Variants in CNTNAP5 observed in about 807,000 individuals in gnomAD.
The protein encoded by CNTNAP5 is contactin associated protein family member 5.
Under a neutral mutation model 150.2 loss-of-function variants are expected in CNTNAP5, and 72 were observed. That is an observed-to-expected ratio of 0.48 (90% confidence interval 0.40 to 0.58). The LOEUF (loss-of-function observed/expected upper bound fraction) is 0.58. Among genes scored for constraint, CNTNAP5 ranks in the 20% least tolerant of loss-of-function variants. CNTNAP5 has a pLI of 0.00. For missense variants in CNTNAP5, 1,636 were observed against 1,626.2 expected (o/e 1.01, Z -0.10); for synonymous variants, 672 against 619.8 (o/e 1.08, Z -1.25).
At chr2:124,207,400 A>G (rs557682103) in intron 1 of CNTNAP5, among the ~76,000 whole-genome samples, 26 of 152,274 alleles carry the variant, frequency 1.7e-4, no homozygotes, top group Admixed American at 6.5e-4. Context: ...AGAACCCTCA[A>G]CTTTCAAACC....
rs555823961 is a variant in CNTNAP5, at chr2:124,420,171, A to AGTAGAGAT, written c.529+2583_529+2590dup. On this transcript the variant is annotated intron_variant, in intron 4 of 23. Transcript: ENST00000682447. ...ATGTCTGGCTAATTTTCGTATCTTTAGTAGAGATGGAGTTTCACCATGTTG... is the reference window on the plus strand; with the variant it reads ...ATGTCTGGCTAATTTTCGTATCTTTAGTAGAGATGTAGAGATGGAGTTTCACCATGTTG... Among the ~76,000 whole-genome samples the AGTAGAGAT allele has an allele frequency of 2.0e-4, 31 of 151,388 alleles. No individual in the cohort carries two copies. The South Asian group carries it at 6.5e-3, about 32-fold the overall frequency.
At chr2:124,073,766 G>A (rs1682371876) in intron 1 of CNTNAP5, among the ~76,000 whole-genome samples, 1 of 152,070 alleles carries the variant, frequency 6.6e-6, no homozygotes, top group African/African-American at 2.4e-5. Flanking sequence ...AACCACTATG[G>A]AGAAGGTTTG....
At chr2:124,225,648 C>T (rs951166610) in intron 2 of CNTNAP5, among the ~76,000 whole-genome samples, 2 of 152,088 alleles carry the variant, frequency 1.3e-5, no homozygotes, top group African/African-American at 4.8e-5. Flanking sequence ...AACACAAGAC[C>T]TACTCTCAGC....
intron 3 of CNTNAP5, among the ~76,000 whole-genome samples, chr2:124,374,824 G>A (rs1690606980): frequency 6.6e-6 from 1 of 151,996 alleles, no homozygotes; most frequent in South Asian, 2.1e-4. Flanking sequence ...AGATGGGCCT[G>A]GAACGTCCTA....
chr2:124,708,972 C>G (rs972685629), intron 13 of CNTNAP5, among the ~76,000 whole-genome samples: 5 of 152,168 alleles, frequency 3.3e-5, no homozygotes, highest in African/African-American at 1.2e-4. Context: ...AACACTAAAT[C>G]ACAGTGCAAA....
chr2:124,311,468 G>A (rs1003806699), intron 3 of CNTNAP5, among the ~76,000 whole-genome samples: 24 of 152,150 alleles, frequency 1.6e-4, no homozygotes, highest in African/African-American at 2.2e-4. Flanking sequence ...GGGAGAAAGC[G>A]AGAAAGAAGG....
intron 3 of CNTNAP5, among the ~76,000 whole-genome samples, chr2:124,290,404 T>C (rs17011342): frequency 0.023 from 3,432 of 152,272 alleles, 133 homozygotes; most frequent in African/African-American, 0.077. Flanking sequence ...TTGTAAAAGA[T>C]CCTCTACCTA....
intron 1 of CNTNAP5, among the ~76,000 whole-genome samples, chr2:124,162,991 A>G (rs954066772): frequency 3.3e-5 from 5 of 152,132 alleles, no homozygotes; most frequent in African/African-American, 1.2e-4. Flanking sequence ...TTGACAAAAA[A>G]GGGGACCTCA....
chr2:124,150,504 G>A (rs921381398), intron 1 of CNTNAP5, among the ~76,000 whole-genome samples: 2 of 152,152 alleles, frequency 1.3e-5, no homozygotes, highest in African/African-American at 4.8e-5. Flanking sequence ...GACTTGTGTG[G>A]CTTAAAAAAC....
rs137993564 is a variant in CNTNAP5 at position 124,110,901 on chromosome 2, C to T, written c.82+85169C>T. ...CTTGATAGAAAGCTCACCACCAGAA[C>T]GGGGAGCTGAGGCACAGAGCAGGTG... On this transcript the variant is annotated intron_variant, in intron 1 of 23. Transcript: ENST00000682447. 2.9e-3 allele frequency among the ~76,000 whole-genome samples: 437 copies of T among 152,268 alleles called. 2 individuals are homozygous for T. The highest frequency in any genetic ancestry group is 0.01 in the African/African-American group (417 of 41,548).
chr2:124,800,853 A>C (rs112905200), intron 19 of CNTNAP5, among the ~76,000 whole-genome samples: 1 of 152,174 alleles, frequency 6.6e-6, no homozygotes, highest in Admixed American at 6.5e-5. Flanking sequence ...TCCTGAGCCA[A>C]ATATGAGTGA....
chr2:124,062,656 A>G (rs560783366), intron 1 of CNTNAP5, among the ~76,000 whole-genome samples: 214 of 152,262 alleles, frequency 1.4e-3, no homozygotes, highest in African/African-American at 4.9e-3. Context: ...CTCTTATGAC[A>G]GGTGTCATAA....
chr2:124,312,468 G>A (rs1193900198), intron 3 of CNTNAP5, among the ~76,000 whole-genome samples: 1 of 151,830 alleles, frequency 6.6e-6, no homozygotes, highest in Non-Finnish European at 1.5e-5. Context: ...GGCTTCAAGT[G>A]ATTCTCCTGC....
Position 124,368,854 on chromosome 2 carries a change from A to G in CNTNAP5, c.382-48589A>G, listed in dbSNP as rs554246723. ...AGGCATAAGATATCTCTGAAAAGAC[A>G]CAGAAGACACTGGACTTAGGCAGCT... On this transcript the variant is annotated intron_variant, in intron 3 of 23. Transcript: ENST00000682447. Among the ~76,000 whole-genome samples, 4 of 152,318 alleles carry G rather than the reference A, an allele frequency of 2.6e-5. No homozygotes were observed. The South Asian group carries it at 8.3e-4, about 32-fold the overall frequency.
At chr2:124,160,813 AATC>A (rs750286492) in intron 1 of CNTNAP5, among the ~76,000 whole-genome samples, 3 of 152,336 alleles carry the variant, frequency 2.0e-5, no homozygotes, top group Admixed American at 6.5e-5. Flanking sequence ...ATTTATAAAT[AATC>A]ATCATTGTTG....
At chr2:124,215,365 C>T (rs1468028388) in intron 1 of CNTNAP5, among the ~76,000 whole-genome samples, 3 of 151,948 alleles carry the variant, frequency 2.0e-5, no homozygotes, top group Admixed American at 6.6e-5. Flanking sequence ...AAATGTTACT[C>T]GAAGTAGAAT....
At chr2:124,836,626 G>C (rs1458398781) in intron 19 of CNTNAP5, among the ~76,000 whole-genome samples, 1 of 152,032 alleles carries the variant, frequency 6.6e-6, no homozygotes, top group Admixed American at 6.6e-5. Context: ...GTGGTCTATG[G>C]GGGTGCAAGT....
intron 12 of CNTNAP5, among the ~76,000 whole-genome samples, chr2:124,632,706 G>GAA (rs35334854): frequency 6.7e-6 from 1 of 148,876 alleles, no homozygotes; most frequent in African/African-American, 2.5e-5. Context: ...CCTGTAACTT[G>GAA]AAAAAAAAAA....
intron 1 of CNTNAP5, among the ~76,000 whole-genome samples, chr2:124,139,895 G>A (rs987176181): frequency 3.9e-5 from 6 of 152,172 alleles, no homozygotes; most frequent in East Asian, 3.9e-4. Context: ...ATCGCACTAG[G>A]GAGTGCCAGA....
Sources: allele counts gnomAD v4.1 joint callset (sites outside exome capture counted in the v4.1 genomes callset), GRCh38; gene constraint gnomAD v4.1.1; transcripts MANE v1.5; gene names NCBI Gene and HGNC (gene_info 2026-07-23, HGNC 2026-07-21).